SPECC1: variants seen among roughly 807,000 people sequenced by gnomAD.
SPECC1 encodes cytospin-B.
Under a neutral mutation model 104.1 loss-of-function variants are expected in SPECC1, and 62 were observed. The ratio of observed to expected loss-of-function variants is 0.60; its 90% confidence interval spans 0.49 to 0.74. SPECC1 has a LOEUF of 0.74. SPECC1 is among the 30% of genes least tolerant of loss of function. SPECC1 has a pLI of 0.00. For missense variants in SPECC1, 1,306 were observed against 1,310.5 expected, an observed-to-expected ratio of 1.00 and a Z score of 0.05; for synonymous variants, 513 against 501.6, an observed-to-expected ratio of 1.02 and a Z score of -0.30.
intron 3 of SPECC1, among the ~76,000 whole-genome samples, chr17:20,151,016 C>T (rs1311719993): frequency 6.6e-6 from 1 of 152,072 alleles, no homozygotes; most frequent in East Asian, 1.9e-4. Flanking sequence ...TCCATAAAAA[C>T]CTTTTTGTCT....
chr17:20,179,369 C>T lies in SPECC1; in HGVS notation c.284-24964C>T, dbSNP rs539658221. On this transcript the variant is annotated intron_variant, in intron 3 of 14. Coordinates refer to ENST00000395527, the MANE Select transcript of SPECC1 (RefSeq NM_001243439.2). Reference sequence around the variant, plus strand: ...TACCATTCTTGCAGTGAGCATTTTCCATCATAGTCCTTGCTTTGCAGCATT... The same window carrying T: ...TACCATTCTTGCAGTGAGCATTTTCTATCATAGTCCTTGCTTTGCAGCATT... Among the ~76,000 whole-genome samples, 4 of 152,366 alleles carry T rather than the reference C, an allele frequency of 2.6e-5. No homozygotes were observed. In the South Asian group the frequency reaches 8.3e-4, roughly 32 times the overall value.
chr17:20,018,711 G>A (rs911992717), intron 1 of SPECC1, among the ~76,000 whole-genome samples: 5 of 152,206 alleles, frequency 3.3e-5, no homozygotes, highest in African/African-American at 9.6e-5. Flanking sequence ...AAAGGTGCAT[G>A]GGGCCAAGTC....
chr17:20,272,001 T>G (rs2040424582), intron 12 of SPECC1, among the ~76,000 whole-genome samples: 1 of 152,180 alleles, frequency 6.6e-6, no homozygotes, highest in African/African-American at 2.4e-5. Flanking sequence ...TGTGATTTTT[T>G]TTTCCTCTGC....
At chr17:20,014,278 G>C (rs1567792881) in intron 1 of SPECC1, among the ~76,000 whole-genome samples, 1 of 152,056 alleles carries the variant, frequency 6.6e-6, no homozygotes, top group Non-Finnish European at 1.5e-5. Flanking sequence ...AAGATAATCT[G>C]TTTATGTGAA....
intron 3 of SPECC1, among the ~76,000 whole-genome samples, chr17:20,123,941 A>T (rs904960150): frequency 2.0e-5 from 3 of 152,230 alleles, no homozygotes; most frequent in Non-Finnish European, 4.4e-5. Context: ...AGTCCATGGG[A>T]TATAAATATT....
chr17:20,038,019 C>T (rs892702514), intron 1 of SPECC1, among the ~76,000 whole-genome samples: 1 of 151,954 alleles, frequency 6.6e-6, no homozygotes, highest in African/African-American at 2.4e-5. Flanking sequence ...GTAATTAGTC[C>T]ATTTCATCTA....
rs1419764045 is a variant in SPECC1 at position 20,203,619 on chromosome 17, T to C, written c.284-714T>C. Among the ~76,000 whole-genome samples, 4 of 152,374 alleles carry C rather than the reference T, an allele frequency of 2.6e-5. No individual in the cohort carries two copies. The South Asian group carries it at 6.2e-4, about 24-fold the overall frequency. On this transcript the variant is annotated intron_variant, in intron 3 of 14. Transcript: ENST00000395527. ...CAGATCCATCTCTCAGTATTATCTG[T>C]ATCTTCTGATTTCTTAATCAAATTT... is the stretch of plus-strand genomic sequence containing the variant.
chr17:20,232,902 A>C (rs541269751), intron 7 of SPECC1, among the ~76,000 whole-genome samples: 14 of 152,236 alleles, frequency 9.2e-5, no homozygotes, highest in Admixed American at 7.2e-4. Context: ...GACATAACCT[A>C]TTTTATTAAA....
At chr17:20,219,012 T>C (rs1409569526) in intron 4 of SPECC1, among the ~76,000 whole-genome samples, 1 of 152,228 alleles carries the variant, frequency 6.6e-6, no homozygotes, top group African/African-American at 2.4e-5. Flanking sequence ...AATACTCTGT[T>C]GTGTATATGG....
Position 20,057,313 on chromosome 17 carries a change from C to T in SPECC1, c.-21-39318C>T, listed in dbSNP as rs537709103. Among the ~76,000 whole-genome samples, 143 of 152,104 alleles carry T rather than the reference C, an allele frequency of 9.4e-4. 2 individuals carry two copies. In the East Asian group the frequency reaches 0.027, roughly 28 times the overall value. On this transcript the variant is annotated intron_variant, in intron 1 of 14. Coordinates refer to ENST00000395527, the MANE Select transcript of SPECC1 (RefSeq NM_001243439.2). ...AAAAGTAGCCGGGCGTGGTGGCGGG[C>T]GCCTATAGTCCCAGCTACTCGGGAG...
At chr17:20,079,234 C>G (rs543157292) in intron 1 of SPECC1, among the ~76,000 whole-genome samples, 2 of 152,280 alleles carry the variant, frequency 1.3e-5, no homozygotes, top group East Asian at 3.9e-4. Flanking sequence ...TAGACGCCCC[C>G]GAGGCACTGT....
intron 1 of SPECC1, among the ~76,000 whole-genome samples, chr17:20,053,126 A>T (rs1214024580): frequency 6.6e-6 from 1 of 152,144 alleles, no homozygotes; most frequent in East Asian, 1.9e-4. Flanking sequence ...ACCTCAAAAC[A>T]TGCTTATATG....
At chr17:20,245,794 A>G (rs1364329012) in intron 7 of SPECC1, 132 bp from the exon 8 acceptor site, 5 of 1,053,978 alleles carry the variant, frequency 4.7e-6, no homozygotes, top group Non-Finnish European at 5.3e-6. Flanking sequence ...TAGAGAAAAC[A>G]GGATGTTAAA....
intron 14 of SPECC1, 53 bp from the exon 15 acceptor site, chr17:20,313,923 G>A: frequency 6.5e-7 from 1 of 1,546,726 alleles, no homozygotes; most frequent in South Asian, 1.1e-5. Flanking sequence ...TTGAGGGGAA[G>A]GGGTCTGTGA....
In SPECC1 at chr17:20,010,000, G is replaced by C. The variant is rs937651299; in HGVS notation, c.-22+576G>C. Reference sequence around the variant, plus strand: ...AGGGCTGCGCATCCCGGGTCAGCTGGGGCGCCGCGGCGCAGTGCACCTGGA... The same window carrying C: ...AGGGCTGCGCATCCCGGGTCAGCTGCGGCGCCGCGGCGCAGTGCACCTGGA... On this transcript the variant is annotated intron_variant, in intron 1 of 14. Coordinates refer to ENST00000395527, the MANE Select transcript of SPECC1 (RefSeq NM_001243439.2). The surrounding 1 kb of genome is among the most constrained non-coding windows in gnomAD (Gnocchi z 5.2). 4 of 152,172 alleles carry C rather than the reference G, an allele frequency of 2.6e-5. No homozygotes were observed. Among genetic ancestry groups the C allele is most frequent in the Non-Finnish European group, 5.9e-5 (4 of 68,022 alleles). 9.4% of individuals were successfully genotyped at this position (152,172 alleles called of 1,614,324 possible). A position where few individuals can be genotyped will look rare whatever the true frequency, so the allele number is the denominator to read the frequency against.
At chr17:20,258,435 C>G (rs1184680290) in intron 11 of SPECC1, among the ~76,000 whole-genome samples, 2 of 152,208 alleles carry the variant, frequency 1.3e-5, no homozygotes, top group Non-Finnish European at 2.9e-5. Context: ...CCTCTTTCAG[C>G]TGCTTCCTCT....
At chr17:20,020,019 G>C (rs568973693) in intron 1 of SPECC1, among the ~76,000 whole-genome samples, 2 of 152,292 alleles carry the variant, frequency 1.3e-5, no homozygotes, top group South Asian at 4.1e-4. Context: ...CATAGAGCTG[G>C]TGCCTATTAA....
At chr17:20,202,354 G>C (rs2036488096) in intron 3 of SPECC1, among the ~76,000 whole-genome samples, 1 of 152,060 alleles carries the variant, frequency 6.6e-6, no homozygotes, top group Admixed American at 6.5e-5. Flanking sequence ...AGTATGTTTT[G>C]TTGTGTTTAG....
chr17:20,059,570 T>A (rs1386532188), intron 1 of SPECC1, among the ~76,000 whole-genome samples: 1 of 151,984 alleles, frequency 6.6e-6, no homozygotes, highest in Non-Finnish European at 1.5e-5. Context: ...CAACTTCTTC[T>A]ACTCTATGTA....
Sources: allele counts gnomAD v4.1 joint callset (sites outside exome capture counted in the v4.1 genomes callset), GRCh38; gene constraint gnomAD v4.1.1; non-coding constraint Gnocchi (gnomAD v3.1); transcripts MANE v1.5; gene names NCBI Gene and HGNC (gene_info 2026-07-23, HGNC 2026-07-21).